The following C16orf89 variants were observed in gnomAD, a reference collection of about 807,000 sequenced individuals.
C16orf89 encodes UPF0764 protein C16orf89.
A neutral mutation model predicts 41.5 loss-of-function variants in C16orf89; 57 were observed. The observed-to-expected ratio is 1.38, with a 90% CI of 1.11 to 1.71. The LOEUF is 1.71. Among genes scored for constraint, C16orf89 ranks in the 40% most tolerant of loss-of-function variants. The pLI, the probability that C16orf89 is intolerant of heterozygous loss-of-function variation, is 0.00. For synonymous variants in C16orf89, 223 were observed against 190.6 expected (o/e 1.17, Z -1.40); for missense variants, 575 against 445.9 (o/e 1.29, Z -2.61).
At chr16:5,063,570 G>A (rs543783103) in intron 1 of C16orf89, among the ~76,000 whole-genome samples, 2 of 152,286 alleles carry the variant, frequency 1.3e-5, no homozygotes, top group South Asian at 2.1e-4. Flanking sequence ...CCCATCATTC[G>A]CTGTCACTAC....
chr16:5,045,736 G>A (rs142721672), intron 7 of C16orf89, among the ~76,000 whole-genome samples: 2 of 152,210 alleles, frequency 1.3e-5, no homozygotes, highest in East Asian at 1.9e-4. Flanking sequence ...TGTGACTTTC[G>A]CAGCAAGTTA....
intron 6 of C16orf89, among the ~76,000 whole-genome samples, 167 bp downstream of exon 6, chr16:5,055,079 G>A (rs1220517885): frequency 6.6e-6 from 1 of 152,214 alleles, no homozygotes; most frequent in East Asian, 1.9e-4. Context: ...CCAAGGCTCC[G>A]AGCCCGTTTC....
intron 2 of C16orf89, among the ~76,000 whole-genome samples, chr16:5,060,969 T>TTTTA: frequency 1.4e-5 from 2 of 146,284 alleles, no homozygotes. Context: ...TTTTTTTTTT[T>TTTTA]AAGAGGCAGG....
rs368721132 is a variant in C16orf89 at position 5,058,526 on chromosome 16, G to C, written c.594C>G (p.Ser198=). ...TKPGCSGYCL[S]HQLLFFLWAR... Reference sequence around the variant, plus strand: ...CCCAGAGGAAGAAGAGCAGTTGGTGGGACAGGCAGTAGCCTGAGCAGCCGG... The same window carrying C: ...CCCAGAGGAAGAAGAGCAGTTGGTGCGACAGGCAGTAGCCTGAGCAGCCGG... Residue 198 remains serine (S), a synonymous_variant, in exon 4 of 8, where the codon TCC becomes TCG. Transcript: ENST00000472572. 1.2e-6 allele frequency: 2 copies of C among 1,612,040 alleles called. No individual in the cohort carries two copies. Among genetic ancestry groups the C allele is most frequent in the African/African-American group, 2.7e-5 (2 of 75,006 alleles).
At position 5,047,592 on chromosome 16, in the gene C16orf89, C is replaced by G. The variant is rs4786584; in HGVS notation, c.955+286G>C. Among the ~76,000 whole-genome samples, 3 of 151,940 alleles carry G rather than the reference C, an allele frequency of 2.0e-5. No homozygotes were observed. The East Asian group carries it at 5.8e-4, about 29-fold the overall frequency. ...AAGTAAATCTCATGCCTCAGACTCC[C>G]GAGTAACTGGGACTACAGGCGTGTG... On this transcript the variant is annotated intron_variant, in intron 7 of 7. Transcript: ENST00000472572.
rs1203505162 is a variant in C16orf89 at position 5,058,603 on chromosome 16, TGTCC to T, written c.513_516del (p.Asp172AlafsTer15). 4 of 1,610,602 alleles carry T rather than the reference TGTCC, an allele frequency of 2.5e-6. No homozygotes were observed. The highest frequency in any genetic ancestry group is 3.4e-6 in the Non-Finnish European group (4 of 1,178,534). On this transcript the variant is annotated frameshift_variant, in exon 4 of 8. Coordinates refer to ENST00000472572, the MANE Select transcript of C16orf89 (RefSeq NM_001098514.3). LOFTEE classifies it high-confidence loss of function. ...TCTGAGAGGCCGCAGGGCTCGCTGC[TGTCC>T]GTCCTGGGGGAAAGTGGTTCCAAGC...
intron 5 of C16orf89, 109 bp from the exon 6 acceptor site, chr16:5,055,459 T>C: frequency 8.9e-7 from 1 of 1,127,830 alleles, no homozygotes; most frequent in Non-Finnish European, 1.3e-6. Context: ...GGGTTAGGCT[T>C]AGGAGGTGGG....
At chr16:5,063,539 A>C (rs746415866) in intron 1 of C16orf89, among the ~76,000 whole-genome samples, 1 of 152,166 alleles carries the variant, frequency 6.6e-6, no homozygotes, top group Non-Finnish European at 1.5e-5. Context: ...GCTAAGCTGC[A>C]TCTGTAATTT....
In C16orf89 at chr16:5,061,512, A is replaced by C. The variant is rs8049511; in HGVS notation, c.358+913T>G. On this transcript the variant is annotated intron_variant, in intron 2 of 7. Transcript: ENST00000472572. Reference sequence around the variant, plus strand: ...AAAAAAAAAAAAAAAAAACCCCCCCAAAAAAAAAAACAAGTGGGGAGGTGG... The same window carrying C: ...AAAAAAAAAAAAAAAAAACCCCCCCCAAAAAAAAAACAAGTGGGGAGGTGG... Among the ~76,000 whole-genome samples, 253 of 45,960 alleles carry C rather than the reference A, an allele frequency of 5.5e-3. 10 individuals are homozygous for C. The highest frequency in any genetic ancestry group is 0.029 in the East Asian group (6 of 204). The allele number at this position is 45,960 out of a possible 152,430, so 30.2% of individuals were successfully genotyped here.
chr16:5,045,474 G>T (rs1028268858), intron 7 of C16orf89, among the ~76,000 whole-genome samples: 1 of 152,200 alleles, frequency 6.6e-6, no homozygotes, highest in Non-Finnish European at 1.5e-5. Context: ...TCTGCTTGTG[G>T]AAGGGAGCCA....
intron 6 of C16orf89, 126 bp downstream of exon 6, chr16:5,055,120 C>T (rs1401433377): frequency 6.2e-6 from 5 of 811,980 alleles, no homozygotes; most frequent in South Asian, 3.5e-5. Context: ...TGTGTGTGCA[C>T]CTGTAGGTTA....
intron 1 of C16orf89, 67 bp from the exon 2 acceptor site, chr16:5,062,641 GAA>G (rs143371301): frequency 2.8e-6 from 4 of 1,431,704 alleles, no homozygotes; most frequent in South Asian, 1.4e-5. Context: ...CTTGGAACAA[GAA>G]AAAAAAATGC....
In C16orf89 at chr16:5,044,811, T is replaced by C. The variant is rs778834599; in HGVS notation, c.956-333A>G. ...GTGAGCCGAGATTGCGCCACTGTAC[T>C]CCAGCCTGAGCAACAGAGCGAGAAT... On this transcript the variant is annotated intron_variant, in intron 7 of 7. Transcript: ENST00000472572. 6 of 1,232,672 alleles carry C rather than the reference T, an allele frequency of 4.9e-6. No homozygotes were observed. In the South Asian group the frequency reaches 8.0e-5, roughly 16 times the overall value. The allele number at this position is 1,232,672 out of a possible 1,614,324, so 76.4% of individuals were successfully genotyped here.
intron 7 of C16orf89, among the ~76,000 whole-genome samples, chr16:5,046,598 G>A (rs573873089): frequency 5.9e-5 from 9 of 152,152 alleles, no homozygotes; most frequent in Admixed American, 3.9e-4. Flanking sequence ...TGTTCCACCC[G>A]CCTTAGCCTC....
At chr16:5,057,264 A>ATACATATATATATGTATATATATATG (rs1956527871) in intron 4 of C16orf89, among the ~76,000 whole-genome samples, 2 of 141,268 alleles carry the variant, frequency 1.4e-5, no homozygotes, top group Non-Finnish European at 3.1e-5. Context: ...GAAAAGAAAT[A>ATACATATATATATGTATATATATATG]TACATATATA....
chr16:5,060,202 G>T, intron 3 of C16orf89, 84 bp downstream of exon 3: 1 of 1,465,968 alleles, frequency 6.8e-7, no homozygotes, highest in South Asian at 1.3e-5. Context: ...CAGCCCTAGG[G>T]CTTGGAGAAG....
chr16:5,043,961 G>T, downstream of C16orf89: 1 of 237,300 alleles, frequency 4.2e-6, no homozygotes, highest in Non-Finnish European at 6.8e-6. Context: ...TGAGGCTGCA[G>T]TGAGCCTAGG....
At chr16:5,065,590 G>T in intron 1 of C16orf89, 111 bp downstream of exon 1, 1 of 1,270,544 alleles carries the variant, frequency 7.9e-7, no homozygotes, top group Non-Finnish European at 1.1e-6. Flanking sequence ...GCCGAGGCAG[G>T]CTATACTGGG....
chr16:5,055,385 C>T (rs758788594), intron 5 of C16orf89, 35 bp from the exon 6 acceptor site: 4 of 1,508,502 alleles, frequency 2.7e-6, no homozygotes, highest in Non-Finnish European at 3.6e-6. Context: ...TGCAGGCCTG[C>T]CCCCCAGGCC....
Sources: allele counts gnomAD v4.1 joint callset (sites outside exome capture counted in the v4.1 genomes callset), GRCh38; gene constraint gnomAD v4.1.1; transcripts MANE v1.5; gene names NCBI Gene and HGNC (gene_info 2026-07-23, HGNC 2026-07-21).